Variants in TPRG1 observed in about 807,000 individuals in gnomAD.
TPRG1 encodes tumor protein p63 regulated 1.
TPRG1 carries 29 observed loss-of-function variants against 29.3 expected under a neutral mutation model. The ratio of observed to expected loss-of-function variants is 0.99; its 90% confidence interval spans 0.74 to 1.35. The LOEUF is 1.35. TPRG1 is among the 40% of genes most tolerant of loss of function. TPRG1 has a pLI of 0.00. For missense variants in TPRG1, 327 were observed against 335.0 expected (o/e 0.98, Z 0.19); for synonymous variants, 130 against 116.8 (o/e 1.11, Z -0.73).
chr3:189,282,472 T>G (rs1487629454), intron 4 of TPRG1, among the ~76,000 whole-genome samples: 1 of 152,130 alleles, frequency 6.6e-6, no homozygotes, highest in Non-Finnish European at 1.5e-5. Flanking sequence ...TTGTGCCTCA[T>G]TTTTTGTCCC....
chr3:189,261,640 G>A (rs769394227), intron 4 of TPRG1, among the ~76,000 whole-genome samples: 4 of 152,114 alleles, frequency 2.6e-5, no homozygotes, highest in Non-Finnish European at 5.9e-5. Flanking sequence ...CGATGCAAAC[G>A]TATGCACACA....
At position 189,183,219 on chromosome 3, in the gene TPRG1, C is replaced by T. The variant is rs568233864; in HGVS notation, c.-10+11088C>T. On this transcript the variant is annotated intron_variant, in intron 1 of 5. Coordinates refer to ENST00000345063, the MANE Select transcript of TPRG1 (RefSeq NM_198485.4). ...TCACATGTCGGTAGGTTCCATGATGCCCCGCAAGCCACAGAACCAGCAAGT... is the reference window on the plus strand; with the variant it reads ...TCACATGTCGGTAGGTTCCATGATGTCCCGCAAGCCACAGAACCAGCAAGT... 2.6e-5 allele frequency among the ~76,000 whole-genome samples: 4 copies of T among 152,168 alleles called. No individual in the cohort carries two copies. In the South Asian group the frequency reaches 6.2e-4, roughly 24 times the overall value.
rs1483333007 is a variant in TPRG1, at chr3:189,010,458, C to T, written c.-660+5698C>T. On this transcript the variant is annotated intron_variant, in intron 3 of 10. Transcript: ENST00000433971. The stretch of plus-strand genomic sequence containing the variant: ...CTCACCAGTACCTGCTATTTTTTAG[C>T]TTTTTAGTAATAGCCATGACTGGTG... 2.6e-5 allele frequency among the ~76,000 whole-genome samples: 4 copies of T among 151,970 alleles called. No homozygotes were observed. In the South Asian group the frequency reaches 6.2e-4, roughly 24 times the overall value.
intron 3 of TPRG1, among the ~76,000 whole-genome samples, chr3:189,219,941 A>G (rs1202315923): frequency 9.9e-5 from 15 of 152,216 alleles, no homozygotes; most frequent in Admixed American, 9.2e-4. Context: ...CGGACTGTCC[A>G]TGTGGAACAT....
intron 4 of TPRG1, among the ~76,000 whole-genome samples, chr3:189,030,069 G>A (rs577822966): frequency 2.6e-5 from 4 of 152,256 alleles, no homozygotes; most frequent in African/African-American, 9.6e-5. Context: ...GAAACCAGAG[G>A]TGTTTCTTCT....
chr3:189,020,895 C>T (rs1713263815), intron 3 of TPRG1, among the ~76,000 whole-genome samples: 1 of 23,778 alleles, frequency 4.2e-5, no homozygotes, highest in Non-Finnish European at 1.2e-4. Context: ...TGAGGACTTG[C>T]TTTATGAATC....
At chr3:189,226,702 CAA>C (rs80133038) in intron 3 of TPRG1, among the ~76,000 whole-genome samples, 1 of 139,354 alleles carries the variant, frequency 7.2e-6, no homozygotes, top group African/African-American at 2.6e-5. Flanking sequence ...AAAAATTAAA[CAA>C]AAAAAACCGA....
intron 4 of TPRG1, among the ~76,000 whole-genome samples, chr3:189,066,890 G>C (rs914774733): frequency 1.3e-5 from 2 of 152,062 alleles, no homozygotes; most frequent in Admixed American, 6.6e-5. Flanking sequence ...ATCCTTCTTT[G>C]TGGATGATAC....
chr3:189,056,007 TCTCCCTCC>T (rs1220087436), intron 4 of TPRG1, among the ~76,000 whole-genome samples: 1 of 146,786 alleles, frequency 6.8e-6, no homozygotes, highest in Non-Finnish European at 1.5e-5. Flanking sequence ...AGGATCTCTC[TCTCCCTCC>T]CTCCCTTCCC....
intron 3 of TPRG1, among the ~76,000 whole-genome samples, chr3:189,229,944 A>C (rs1224640144): frequency 6.6e-6 from 1 of 152,190 alleles, no homozygotes; most frequent in Non-Finnish European, 1.5e-5. Flanking sequence ...AGATGTGTAC[A>C]TTTGTGCTAT....
chr3:189,136,252 G>A (rs1723731333), intron 3 of TPRG1, among the ~76,000 whole-genome samples: 1 of 152,110 alleles, frequency 6.6e-6, no homozygotes. Context: ...TGTATGCTGG[G>A]GCATGAGAAC....
chr3:189,217,895 G>A (rs1243012655), intron 3 of TPRG1: 11 of 985,098 alleles, frequency 1.1e-5, no homozygotes, highest in Non-Finnish European at 1.3e-5. Flanking sequence ...GGCAGGGAAA[G>A]GCAAAAACAA....
chr3:189,263,023 T>C (rs928725651), intron 4 of TPRG1, among the ~76,000 whole-genome samples: 6 of 152,216 alleles, frequency 3.9e-5, no homozygotes, highest in African/African-American at 9.6e-5. Flanking sequence ...CCACAGATTT[T>C]GGTAACCTAA....
chr3:189,050,835 A>G (rs1171093666), intron 4 of TPRG1, among the ~76,000 whole-genome samples: 1 of 152,230 alleles, frequency 6.6e-6, no homozygotes, highest in Admixed American at 6.5e-5. Flanking sequence ...CAAAAATCAC[A>G]TGATCCTCTC....
chr3:189,255,693 A>G (rs1460880137), intron 4 of TPRG1, among the ~76,000 whole-genome samples: 12 of 152,040 alleles, frequency 7.9e-5, no homozygotes, highest in African/African-American at 1.7e-4. Context: ...TACTGCCTCA[A>G]TTTCAGAACT....
chr3:189,122,097 C>G (rs527495075), intron 1 of TPRG1, among the ~76,000 whole-genome samples: 1 of 152,218 alleles, frequency 6.6e-6, no homozygotes, highest in East Asian at 1.9e-4. Flanking sequence ...TCTATACATT[C>G]ACATGAAGTA....
intron 4 of TPRG1, among the ~76,000 whole-genome samples, chr3:189,042,304 T>G (rs1714687170): frequency 6.6e-6 from 1 of 152,188 alleles, no homozygotes; most frequent in Non-Finnish European, 1.5e-5. Context: ...TAATTTTATT[T>G]TTCTAGTATC....
At chr3:189,276,210 G>A (rs142405359) in intron 4 of TPRG1, among the ~76,000 whole-genome samples, 39 of 152,302 alleles carry the variant, frequency 2.6e-4, no homozygotes, top group African/African-American at 8.9e-4. Flanking sequence ...AAGGCTGAGC[G>A]ATGGAAATGG....
At chr3:189,080,057 A>G (rs765762320) in intron 4 of TPRG1, among the ~76,000 whole-genome samples, 2 of 152,238 alleles carry the variant, frequency 1.3e-5, no homozygotes, top group African/African-American at 4.8e-5. Context: ...GAGAAAATTT[A>G]TTGCACAGTT....
Sources: gnomAD v4.1 joint callset for allele counts (sites outside exome capture counted in the v4.1 genomes callset) on GRCh38, gnomAD v4.1.1 for gene constraint, MANE v1.5 for transcripts, NCBI Gene and HGNC (gene_info 2026-07-23, HGNC 2026-07-21) for gene names.